CDH4: variants seen among roughly 807,000 people sequenced by gnomAD.
The protein encoded by CDH4 is cadherin 4, also known as cadherin-4.
CDH4 carries 33 observed loss-of-function variants against 86.0 expected under a neutral mutation model. The ratio of observed to expected loss-of-function variants is 0.38; its 90% CI spans 0.29 to 0.51. The LOEUF (loss-of-function observed/expected upper bound fraction) is 0.51, where lower values mean the gene tolerates loss of function less well. Ranked by LOEUF, CDH4 falls within the 20% of genes least tolerant of loss-of-function variation. The pLI, the probability that CDH4 is intolerant of heterozygous loss-of-function variation, is 0.86. For missense variants in CDH4, 1,114 were observed against 1,307.4 expected (o/e 0.85, Z 2.28); for synonymous variants, 555 against 549.4 (o/e 1.01, Z -0.14).
rs1489646144 is a variant in CDH4, at chr20:61,565,281, A to G, written c.170-178282A>G. Among the ~76,000 whole-genome samples the G allele has an allele frequency of 4.1e-4, 23 of 56,480 alleles. 4 individuals carry two copies. Among genetic ancestry groups the G allele is most frequent in the Middle Eastern group, 0.014 (1 of 74 alleles). 37.1% of individuals were successfully genotyped at this position (56,480 alleles called of 152,430 possible). ...GATGGTGGTGGTGGTCCTCTTGGTGATGGGGTGATGGTGGTGGCGGTGCTC... is the reference window on the plus strand; with the variant it reads ...GATGGTGGTGGTGGTCCTCTTGGTGGTGGGGTGATGGTGGTGGCGGTGCTC... On this transcript the variant is annotated intron_variant, in intron 2 of 15. Transcript: ENST00000614565.
At chr20:61,371,689 A>G (rs1471895276) in intron 2 of CDH4, among the ~76,000 whole-genome samples, 5 of 152,172 alleles carry the variant, frequency 3.3e-5, no homozygotes, top group Non-Finnish European at 7.4e-5. Flanking sequence ...GGGTCCCGGC[A>G]TCTGGAGGAC....
At chr20:61,354,196 A>G (rs1051005340) in intron 2 of CDH4, among the ~76,000 whole-genome samples, 1 of 152,006 alleles carries the variant, frequency 6.6e-6, no homozygotes, top group African/African-American at 2.4e-5. Context: ...AGAGGCCCAA[A>G]TGTCCCAGCG....
intron 8 of CDH4, among the ~76,000 whole-genome samples, chr20:61,895,838 C>T (rs968287194): frequency 6.6e-6 from 1 of 152,224 alleles, no homozygotes; most frequent in Non-Finnish European, 1.5e-5. Flanking sequence ...GGGTGTGACA[C>T]GGTGTCCCCA....
intron 4 of CDH4, among the ~76,000 whole-genome samples, chr20:61,815,247 A>G (rs1406897307): frequency 6.6e-6 from 1 of 152,216 alleles, no homozygotes; most frequent in African/African-American, 2.4e-5. Flanking sequence ...CAGGCCTGAC[A>G]CATCCAGCCA....
intron 2 of CDH4, among the ~76,000 whole-genome samples, chr20:61,618,846 AC>A (rs1242883723): frequency 5.3e-5 from 8 of 152,240 alleles, no homozygotes; most frequent in Non-Finnish European, 8.8e-5. Flanking sequence ...CCAGGGGCCA[AC>A]GGGGTGACTT....
intron 8 of CDH4, among the ~76,000 whole-genome samples, chr20:61,900,497 A>C (rs1985344189): frequency 2.6e-5 from 4 of 152,068 alleles, no homozygotes; most frequent in East Asian, 3.9e-4. Flanking sequence ...ACGGCTGCAG[A>C]GGGGGCGCTT....
intron 7 of CDH4, among the ~76,000 whole-genome samples, chr20:61,881,290 G>A (rs1033606215): frequency 1.3e-5 from 2 of 152,260 alleles, no homozygotes; most frequent in African/African-American, 4.8e-5. Flanking sequence ...TGCGAAGGGA[G>A]GGGAGACGAT....
chr20:61,597,294 C>T (rs998320140), intron 2 of CDH4, among the ~76,000 whole-genome samples: 1 of 152,254 alleles, frequency 6.6e-6, no homozygotes, highest in Non-Finnish European at 1.5e-5. Flanking sequence ...TTCCCTCCAC[C>T]CTGCACCCAC....
intron 15 of CDH4, 142 bp downstream of exon 15, chr20:61,934,362 G>C: frequency 1.2e-6 from 1 of 854,848 alleles, no homozygotes; most frequent in Non-Finnish European, 1.7e-6. Flanking sequence ...TCCAGGCCCT[G>C]CTCTGCCCCT....
chr20:61,263,744 G>A (rs1039235815), intron 2 of CDH4, among the ~76,000 whole-genome samples: 1 of 152,164 alleles, frequency 6.6e-6, no homozygotes, highest in East Asian at 1.9e-4. Context: ...TCCAGTCCCT[G>A]TGCTGAAATC....
At chr20:61,895,477 TTG>T (rs1430334621) in intron 8 of CDH4, among the ~76,000 whole-genome samples, 1 of 151,342 alleles carries the variant, frequency 6.6e-6, no homozygotes, top group Non-Finnish European at 1.5e-5. Context: ...AGAAAGGGGG[TTG>T]TGACTGGGCC....
chr20:61,502,862 C>T (rs1319089074), intron 2 of CDH4, among the ~76,000 whole-genome samples: 3 of 152,194 alleles, frequency 2.0e-5, no homozygotes, highest in Admixed American at 6.5e-5. Context: ...ACATTCTTAA[C>T]ATTTCTGGAG....
intron 5 of CDH4, among the ~76,000 whole-genome samples, chr20:61,846,414 A>AACACGCGTCT (rs1982457979): frequency 6.6e-6 from 1 of 152,202 alleles, no homozygotes; most frequent in Non-Finnish European, 1.5e-5. Context: ...GGCTGCCGTC[A>AACACGCGTCT]ACACGCGTCT....
Position 61,657,150 on chromosome 20 carries a change from TC to T in CDH4, c.170-86410del, listed in dbSNP as rs2087201077. Among the ~76,000 whole-genome samples the T allele has an allele frequency of 3.3e-5, 5 of 152,300 alleles. No homozygotes were observed. The South Asian group carries it at 1.0e-3, about 32-fold the overall frequency. ...AGGGTCCACCCAGAGGGATCATCCC[TC>T]CCACCCAGGGCTGCGTGGACAAGAC... On this transcript the variant is annotated intron_variant, in intron 2 of 15. Coordinates refer to ENST00000614565, the MANE Select transcript of CDH4 (RefSeq NM_001794.5).
rs551065251 is a variant in CDH4, at chr20:61,797,528, A to C, written c.576+24346A>C. On this transcript the variant is annotated intron_variant, in intron 4 of 15. Transcript: ENST00000614565. ...AACATCCGGCCTCTGGCAGTGGCTC[A>C]TGTTGCAATGCCAGTGCTTTGGGAG... 3.3e-5 allele frequency among the ~76,000 whole-genome samples: 5 copies of C among 152,312 alleles called. No homozygotes were observed. The East Asian group carries it at 9.7e-4, about 29-fold the overall frequency.
chr20:61,593,410 T>C (rs2086532111), intron 2 of CDH4, among the ~76,000 whole-genome samples: 1 of 152,230 alleles, frequency 6.6e-6, no homozygotes, highest in South Asian at 2.1e-4. Context: ...TGTTCAGCAT[T>C]TTCAAGAACT....
intron 2 of CDH4, among the ~76,000 whole-genome samples, chr20:61,489,085 C>T (rs1378184897): frequency 2.0e-5 from 3 of 152,176 alleles, no homozygotes; most frequent in African/African-American, 7.2e-5. Flanking sequence ...CTTGGAAGCT[C>T]CTGGGTATTA....
intron 6 of CDH4, among the ~76,000 whole-genome samples, chr20:61,856,931 C>G (rs1468018552): frequency 6.6e-6 from 1 of 152,236 alleles, no homozygotes; most frequent in Non-Finnish European, 1.5e-5. Context: ...TTTCCAGAGT[C>G]TCCCCGGCCG....
At chr20:61,588,080 G>GCCTT (rs1374293146) in intron 2 of CDH4, among the ~76,000 whole-genome samples, 4 of 152,204 alleles carry the variant, frequency 2.6e-5, no homozygotes, top group Non-Finnish European at 5.9e-5. Context: ...TGAATAATGT[G>GCCTT]CCTTCGAGGG....
Sources: allele counts gnomAD v4.1 joint callset (sites outside exome capture counted in the v4.1 genomes callset), GRCh38; gene constraint gnomAD v4.1.1; transcripts MANE v1.5; gene names NCBI Gene and HGNC (gene_info 2026-07-23, HGNC 2026-07-21).